The following NGF variants were observed in gnomAD, a reference collection of about 807,000 sequenced individuals.
NGF encodes the protein beta-nerve growth factor.
Under a neutral mutation model 12.8 loss-of-function variants are expected in NGF, and 4 were observed. That is an observed-to-expected ratio of 0.31 (90% CI 0.15 to 0.72). The LOEUF is 0.72. NGF is among the 30% of genes least tolerant of loss of function. NGF has a pLI of 0.69. For missense variants in NGF, 283 were observed against 330.8 expected (o/e 0.86, Z 1.12); for synonymous variants, 140 against 130.0 (o/e 1.08, Z -0.52).
chr1:115,328,396 AG>A (rs1426343702), intron 1 of NGF, among the ~76,000 whole-genome samples: 7 of 152,240 alleles, frequency 4.6e-5, no homozygotes, highest in South Asian at 2.1e-4. Flanking sequence ...CAAAGGTCTG[AG>A]GTCAGTGATA....
At chr1:115,336,402 G>C (rs1655109647) in intron 1 of NGF, among the ~76,000 whole-genome samples, 1 of 151,480 alleles carries the variant, frequency 6.6e-6, no homozygotes, top group African/African-American at 2.4e-5. Context: ...AGTGGGGTAG[G>C]AGTTTGGCAA....
At chr1:115,317,024 C>T (rs1031913270) in intron 1 of NGF, among the ~76,000 whole-genome samples, 3 of 151,588 alleles carry the variant, frequency 2.0e-5, no homozygotes, top group African/African-American at 7.3e-5. Context: ...ATTACTTTAG[C>T]GATCTAGAAG....
chr1:115,302,059 T>A (rs1442828539), intron 1 of NGF, among the ~76,000 whole-genome samples: 1 of 152,224 alleles, frequency 6.6e-6, no homozygotes, highest in Non-Finnish European at 1.5e-5. Context: ...GCTGTCCCAG[T>A]GTAGGCACTT....
chr1:115,333,466 T>C (rs1654979155), intron 1 of NGF, among the ~76,000 whole-genome samples: 1 of 131,042 alleles, frequency 7.6e-6, no homozygotes, highest in Non-Finnish European at 1.6e-5. Context: ...TTCAGGGAAA[T>C]CCTGACTGTC....
Position 115,333,753 on chromosome 1 carries a change from C to T in NGF, c.-137+4451G>A, listed in dbSNP as rs1158478293. ...TTCTTTCTTTCTTTCTTCCTTCCTC[C>T]CTCCCCCCTCTCTCTCTTTCTTCAT... On this transcript the variant is annotated intron_variant, in intron 1 of 2. Coordinates refer to ENST00000369512, the MANE Select transcript of NGF (RefSeq NM_002506.3). 1.9e-5 allele frequency among the ~76,000 whole-genome samples: 2 copies of T among 103,840 alleles called. 1 individual carries two copies. The highest frequency in any genetic ancestry group is 1.1e-4 in the African/African-American group (2 of 17,618). 68.1% of individuals were successfully genotyped at this position (103,840 alleles called of 152,430 possible).
At chr1:115,296,144 G>C (rs1471173461) in intron 1 of NGF, among the ~76,000 whole-genome samples, 1 of 152,172 alleles carries the variant, frequency 6.6e-6, no homozygotes, top group African/African-American at 2.4e-5. Context: ...GCTCATTAGG[G>C]AAGAAGGGAA....
chr1:115,317,325 A>G (rs1297498458), intron 1 of NGF, among the ~76,000 whole-genome samples: 2 of 152,180 alleles, frequency 1.3e-5, no homozygotes, highest in Non-Finnish European at 2.9e-5. Flanking sequence ...TCCAGAAGCC[A>G]ATGGAAAGTT....
In NGF at chr1:115,337,267, G is replaced by GTTTGTTTGTTTTTTTTTTTTTTTTT; in HGVS notation, c.-137+936_-137+937insAAAAAAAAAAAAAAAAACAAACAAA. Reference sequence around the variant, plus strand: ...TCGAAATTTTTTTTGTTTTGTTTTTGTTTTTTTTTTTTTTTTTTTTTTTTT... The same window carrying GTTTGTTTGTTTTTTTTTTTTTTTTT: ...TCGAAATTTTTTTTGTTTTGTTTTTGTTTGTTTGTTTTTTTTTTTTTTTTTTTTTTTTTTTTTTTTTTTTTTTTTT... On this transcript the variant is annotated intron_variant, in intron 1 of 2. Transcript: ENST00000369512. 1.7e-4 allele frequency among the ~76,000 whole-genome samples: 14 copies of GTTTGTTTGTTTTTTTTTTTTTTTTT among 81,030 alleles called. 2 individuals are homozygous for GTTTGTTTGTTTTTTTTTTTTTTTTT. The highest frequency in any genetic ancestry group is 6.4e-4 in the African/African-American group (12 of 18,894). 53.2% of individuals were successfully genotyped at this position (81,030 alleles called of 152,430 possible).
intron 1 of NGF, among the ~76,000 whole-genome samples, chr1:115,336,387 GA>G (rs1655109318): frequency 6.6e-6 from 1 of 152,164 alleles, no homozygotes; most frequent in African/African-American, 2.4e-5. Context: ...AGATGTTGGG[GA>G]AAGAGTGGGG....
intron 1 of NGF, among the ~76,000 whole-genome samples, chr1:115,312,392 T>C (rs1654357732): frequency 6.6e-6 from 1 of 152,272 alleles, no homozygotes; most frequent in East Asian, 1.9e-4. Flanking sequence ...CCACAGAGAA[T>C]ACTAGACAAG....
At chr1:115,325,528 TC>T (rs1240349421) in intron 1 of NGF, among the ~76,000 whole-genome samples, 2 of 151,898 alleles carry the variant, frequency 1.3e-5, no homozygotes, top group Non-Finnish European at 2.9e-5. Context: ...AGGAGAAAAA[TC>T]ACCTTCATTT....
Position 115,337,267 on chromosome 1 carries a change from G to GTTTGTTTTTTTTTTTTTTT in NGF, c.-137+936_-137+937insAAAAAAAAAAAAAAACAAA. On this transcript the variant is annotated intron_variant, in intron 1 of 2. Transcript: ENST00000369512. ...TCGAAATTTTTTTTGTTTTGTTTTT[G>GTTTGTTTTTTTTTTTTTTT]TTTTTTTTTTTTTTTTTTTTTTTTT... 1.2e-3 allele frequency among the ~76,000 whole-genome samples: 100 copies of GTTTGTTTTTTTTTTTTTTT among 81,024 alleles called. 16 individuals are homozygous for GTTTGTTTTTTTTTTTTTTT. The highest frequency in any genetic ancestry group is 1.8e-3 in the East Asian group (5 of 2,722). The allele number at this position is 81,024 out of a possible 152,430, so 53.2% of individuals were successfully genotyped here.
intron 1 of NGF, among the ~76,000 whole-genome samples, chr1:115,334,578 C>A (rs1023623182): frequency 6.6e-6 from 1 of 152,142 alleles, no homozygotes; most frequent in East Asian, 1.9e-4. Context: ...GAGGATGAAG[C>A]CCAGGAATTG....
At chr1:115,287,372 C>G (rs1212056946) in intron 2 of NGF, among the ~76,000 whole-genome samples, 1 of 152,122 alleles carries the variant, frequency 6.6e-6, no homozygotes, top group Non-Finnish European at 1.5e-5. Context: ...ACTCGGAGCC[C>G]TTGTTATGAA....
At chr1:115,310,640 A>T (rs575291840) in intron 1 of NGF, among the ~76,000 whole-genome samples, 2 of 152,346 alleles carry the variant, frequency 1.3e-5, no homozygotes, top group Middle Eastern at 6.8e-3. Flanking sequence ...GTGTGGACAT[A>T]TTCCCTGTAA....
chr1:115,307,435 A>C (rs1236210006), intron 1 of NGF, among the ~76,000 whole-genome samples: 1 of 152,166 alleles, frequency 6.6e-6, no homozygotes, highest in African/African-American at 2.4e-5. Flanking sequence ...AAAGAGACAG[A>C]GACTGAGAAA....
chr1:115,302,726 G>A (rs922212412), intron 1 of NGF, among the ~76,000 whole-genome samples: 2 of 152,194 alleles, frequency 1.3e-5, no homozygotes, highest in African/African-American at 4.8e-5. Context: ...TTGTCCCCGG[G>A]AAGGTGGGCG....
chr1:115,303,094 C>A (rs1423248747), intron 1 of NGF, among the ~76,000 whole-genome samples: 1 of 152,092 alleles, frequency 6.6e-6, no homozygotes, highest in Non-Finnish European at 1.5e-5. Flanking sequence ...AAAACCCCAA[C>A]AAACAAACAC....
rs554376151 is a variant in NGF, at chr1:115,293,766, G to A, written c.-136-16C>T. 6.5e-6 allele frequency: 1 copy of A among 152,830 alleles called. No individual in the cohort carries two copies. Among genetic ancestry groups the A allele is most frequent in the African/African-American group, 2.4e-5 (1 of 41,464 alleles). 9.5% of individuals were successfully genotyped at this position (152,830 alleles called of 1,614,324 possible). On this transcript the variant is annotated splice_polypyrimidine_tract_variant and intron_variant, in intron 1 of 2. Transcript: ENST00000369512. Reference sequence around the variant, plus strand: ...GGCCAAAACTCTGTGGAGGGGGAGAGCTGGCATTAGACTGTACCTCACCAC... The same window carrying A: ...GGCCAAAACTCTGTGGAGGGGGAGAACTGGCATTAGACTGTACCTCACCAC...
Sources: gnomAD v4.1 joint callset for allele counts (sites outside exome capture counted in the v4.1 genomes callset) on GRCh38, gnomAD v4.1.1 for gene constraint, MANE v1.5 for transcripts, NCBI Gene and HGNC (gene_info 2026-07-23, HGNC 2026-07-21) for gene names.